The following MTRES1 variants were observed in gnomAD, a reference collection of about 807,000 sequenced individuals.
The protein encoded by MTRES1 is mitochondrial transcription rescue factor 1, also known as uncharacterized protein C6orf203.
MTRES1 carries 11 observed loss-of-function variants against 17.4 expected under a neutral mutation model. The observed-to-expected ratio is 0.63, with a 90% CI of 0.40 to 1.05. The LOEUF (loss-of-function observed/expected upper bound fraction) is 1.05, where lower values mean the gene tolerates loss of function less well. Among genes scored for constraint, MTRES1 ranks in the 50% least tolerant of loss-of-function variants. The pLI is 0.00. For missense variants in MTRES1, 268 were observed against 276.2 expected (o/e 0.97, Z 0.21); for synonymous variants, 94 against 99.6 (o/e 0.94, Z 0.34).
At chr6:107,028,865 C>T (rs1326856165) in intron 1 of MTRES1, 10 of 984,826 alleles carry the variant, frequency 1.0e-5, no homozygotes, top group Non-Finnish European at 1.1e-5. Flanking sequence ...CTGCCGTGAT[C>T]ATCTCTCCAC....
At chr6:107,031,702 G>A (rs1474810248) in intron 1 of MTRES1, among the ~76,000 whole-genome samples, 1 of 151,986 alleles carries the variant, frequency 6.6e-6, no homozygotes, top group Non-Finnish European at 1.5e-5. Context: ...CCGGGTTCAA[G>A]CGGTTCTCGT....
At chr6:107,028,318 C>G (rs1773706460) in intron 1 of MTRES1, 47 bp downstream of exon 1, 1 of 152,282 alleles carries the variant, frequency 6.6e-6, no homozygotes, top group South Asian at 2.1e-4. Context: ...CCTGCCCGCG[C>G]CCCCTGTCAC....
In MTRES1 at chr6:107,040,140, C is replaced by T; in HGVS notation, c.380C>T (p.Thr127Ile). 1 of 1,613,628 alleles carries T rather than the reference C, an allele frequency of 6.2e-7. No homozygotes were observed. Among genetic ancestry groups the T allele is most frequent in the Non-Finnish European group, 8.5e-7 (1 of 1,179,960 alleles). The change falls in exon 2 of 4, where the codon ACT becomes ATT. Residue 127 changes from threonine (T) to isoleucine (I), a missense_variant. Thr to Ile is a moderately conservative substitution (Grantham distance 89). Transcript: ENST00000311381. ...GAAGAGGAGCTTGAGGATGATCCTA[C>T]TGTAGTCAAAAACTATAAAGACCTG... ...EQEEELEDDP[T>I]VVKNYKDLEK...
chr6:107,045,483 CAA>C (rs61396424), intron 3 of MTRES1, among the ~76,000 whole-genome samples: 322 of 131,978 alleles, frequency 2.4e-3, no homozygotes, highest in Middle Eastern at 7.9e-3. Flanking sequence ...GACTTCGTCT[CAA>C]AAAAAAAAAA....
intron 1 of MTRES1, among the ~76,000 whole-genome samples, chr6:107,030,372 A>G (rs754268934): frequency 2.0e-5 from 3 of 152,204 alleles, no homozygotes; most frequent in Non-Finnish European, 2.9e-5. Context: ...CCCCAGGTTC[A>G]TTGATTCACT....
intron 3 of MTRES1, among the ~76,000 whole-genome samples, chr6:107,049,120 T>C (rs1774500653): frequency 6.6e-6 from 1 of 152,146 alleles, no homozygotes; most frequent in South Asian, 2.1e-4. Flanking sequence ...CATGGGCTTG[T>C]TCTGGGGAGG....
At chr6:107,045,177 C>T (rs1003504064) in intron 3 of MTRES1, among the ~76,000 whole-genome samples, 1 of 88,958 alleles carries the variant, frequency 1.1e-5, no homozygotes, top group Non-Finnish European at 2.8e-5. Context: ...AGAGTGAGAC[C>T]CTGTCTCAAA....
At chr6:107,040,570 TA>T (rs1394170484) in intron 2 of MTRES1, 12 of 196,340 alleles carry the variant, frequency 6.1e-5, no homozygotes, top group Non-Finnish European at 1.0e-4. Flanking sequence ...ACAAATGCTA[TA>T]ATGTGAGACG....
chr6:107,044,346 C>G lies in MTRES1; in HGVS notation c.543+14C>G. The G allele has an allele frequency of 1.9e-6, 3 of 1,601,722 alleles. No individual in the cohort carries two copies. Among genetic ancestry groups the G allele is most frequent in the Non-Finnish European group, 2.6e-6 (3 of 1,169,104 alleles). ...AAAAGCAGAACGGTGAGATACTAAC[C>G]TAAAATGACAGCCAGATGTTTTCGT... On this transcript the variant is annotated intron_variant, in intron 3 of 3. Coordinates refer to ENST00000311381, the MANE Select transcript of MTRES1 (RefSeq NM_016487.5).
At chr6:107,043,155 C>A (rs1774275135) in intron 2 of MTRES1, among the ~76,000 whole-genome samples, 1 of 151,942 alleles carries the variant, frequency 6.6e-6, no homozygotes, top group Admixed American at 6.6e-5. Flanking sequence ...CATGGTGAAA[C>A]CCCGTCTCTA....
chr6:107,050,437 G>A (rs932133719), intron 3 of MTRES1, among the ~76,000 whole-genome samples: 3 of 151,738 alleles, frequency 2.0e-5, no homozygotes, highest in Middle Eastern at 3.2e-3. Context: ...CCCAATAGAT[G>A]TGAGTATTTG....
chr6:107,044,297 C>T lies in MTRES1; in HGVS notation c.508C>T (p.Leu170=). 6.2e-7 allele frequency: 1 copy of T among 1,613,874 alleles called. No homozygotes were observed. Among genetic ancestry groups the T allele is most frequent in the Non-Finnish European group, 8.5e-7 (1 of 1,179,858 alleles). The change falls in exon 3 of 4, where the codon CTG becomes TTG. Residue 170 remains leucine (L), a synonymous_variant. Transcript: ENST00000311381. ...EDAFYKGELR[L]NEEKLWKKSR... ...TGCTTTCTACAAAGGTGAACTCAGG[C>T]TGAATGAGGAAAAATTATGGAAGAA...
rs540907713 is a variant in MTRES1 at position 107,042,069 on chromosome 6, G to A, written c.470+1839G>A. Among the ~76,000 whole-genome samples the A allele has an allele frequency of 1.6e-4, 24 of 151,864 alleles. 1 individual carries two copies. The Middle Eastern group carries it at 0.02, about 129-fold the overall frequency. On this transcript the variant is annotated intron_variant, in intron 2 of 3. Coordinates refer to ENST00000311381, the MANE Select transcript of MTRES1 (RefSeq NM_016487.5). ...GAGATTCATAAAAAGGGCCGGGTGT[G>A]GTGGCTCACGCCTGTAGTCCCAGCA...
chr6:107,035,210 C>T lies in MTRES1; in HGVS notation c.-12-4539C>T, dbSNP rs59070520. Among the ~76,000 whole-genome samples, 748 of 150,344 alleles carry T rather than the reference C, an allele frequency of 5.0e-3. 5 individuals are homozygous for T. The highest frequency in any genetic ancestry group is 8.0e-3 in the Non-Finnish European group (539 of 67,354). On this transcript the variant is annotated intron_variant, in intron 1 of 3. Coordinates refer to ENST00000311381, the MANE Select transcript of MTRES1 (RefSeq NM_016487.5). ...GTGCAATGACACAATCTCGGCTCAC[C>T]GCAACCTCCGCCTCCCAGGTTCAAG...
In MTRES1 at chr6:107,030,069, T is replaced by G. The variant is rs1554226241; in HGVS notation, c.-13+1798T>G. 3 of 718,490 alleles carry G rather than the reference T, an allele frequency of 4.2e-6. No individual in the cohort carries two copies. In the South Asian group the frequency reaches 4.4e-5, roughly 11 times the overall value. The allele number at this position is 718,490 out of a possible 1,614,324, so 44.5% of individuals were successfully genotyped here. A position where few individuals can be genotyped will look rare whatever the true frequency, so the allele number is the denominator to read the frequency against. On this transcript the variant is annotated intron_variant, in intron 1 of 3. Coordinates refer to ENST00000311381, the MANE Select transcript of MTRES1 (RefSeq NM_016487.5). ...TAGGAATCTTCGTATTTTTTTCCTC[T>G]GCTGAATTCCTAGTGCCCAGATTAG... is the stretch of plus-strand genomic sequence containing the variant.
At chr6:107,050,992 T>G in intron 3 of MTRES1, 65 bp from the exon 4 acceptor site, 1 of 1,340,884 alleles carries the variant, frequency 7.5e-7, no homozygotes, top group Non-Finnish European at 1.1e-6. Flanking sequence ...CTCAGAGCAG[T>G]AATGTTTGCA....
chr6:107,038,034 A>G (rs1283721435), intron 1 of MTRES1, among the ~76,000 whole-genome samples: 2 of 152,164 alleles, frequency 1.3e-5, no homozygotes, highest in African/African-American at 4.8e-5. Flanking sequence ...TTTTAAAATT[A>G]TTCCAAATTA....
At chr6:107,042,046 G>T (rs755060934) in intron 2 of MTRES1, among the ~76,000 whole-genome samples, 13 of 151,610 alleles carry the variant, frequency 8.6e-5, no homozygotes, top group Non-Finnish European at 1.0e-4. Flanking sequence ...AAGCTTAAGA[G>T]ATTCATAAAA....
chr6:107,051,035 T>A, intron 3 of MTRES1, 22 bp from the exon 4 acceptor site: 1 of 1,528,726 alleles, frequency 6.5e-7, no homozygotes, highest in Non-Finnish European at 8.9e-7. Context: ...TAACCAAGCC[T>A]CTGTTTTCTT....
Sources: allele counts gnomAD v4.1 joint callset (sites outside exome capture counted in the v4.1 genomes callset), GRCh38; gene constraint gnomAD v4.1.1; transcripts MANE v1.5; gene names NCBI Gene and HGNC (gene_info 2026-07-23, HGNC 2026-07-21).